Variants in DDX18 observed in about 807,000 individuals in gnomAD.
The protein encoded by DDX18 is ATP-dependent RNA helicase DDX18.
In DDX18, 23 loss-of-function variants were observed where a neutral mutation model predicts 73.5. The observed-to-expected ratio is 0.31, with a 90% CI of 0.23 to 0.44. The LOEUF (loss-of-function observed/expected upper bound fraction) is 0.44. Among genes scored for constraint, DDX18 ranks in the 20% least tolerant of loss-of-function variants. The pLI, the probability that DDX18 is intolerant of heterozygous loss-of-function variation, is 1.00. For missense variants in DDX18, 753 were observed against 792.9 expected (o/e 0.95, Z 0.60); for synonymous variants, 268 against 282.7 (o/e 0.95, Z 0.52).
At chr2:117,827,325 C>A (rs759282721) in intron 11 of DDX18, 9 of 152,028 alleles carry the variant, frequency 5.9e-5, no homozygotes, top group Non-Finnish European at 1.0e-4. Context: ...GTTGACATTT[C>A]TTTCTTTCTT....
intron 11 of DDX18, chr2:117,827,307 C>G (rs554228725): frequency 2.2e-4 from 34 of 152,322 alleles, no homozygotes; most frequent in Non-Finnish European, 4.4e-4. Flanking sequence ...AGCACAGGTG[C>G]TCATCAGGTT....
chr2:117,826,034 CTTTTTTTTTTT>C lies in DDX18; in HGVS notation c.1522-217_1522-207del, dbSNP rs59119058. 3.5e-4 allele frequency: 34 copies of C among 97,290 alleles called. 1 individual carries two copies. The highest frequency in any genetic ancestry group is 7.6e-3 in the Middle Eastern group (2 of 264). The allele number at this position is 97,290 out of a possible 1,614,324, so 6.0% of individuals were successfully genotyped here. On this transcript the variant is annotated intron_variant, in intron 10 of 13. Coordinates refer to ENST00000263239, the MANE Select transcript of DDX18 (RefSeq NM_006773.4). ...TGTTAATGCAAACATCATGTCCAGCCTTTTTTTTTTTTTTTTTTTTTTTTTTTTGGGCCTCA... is the reference window on the plus strand; with the variant it reads ...TGTTAATGCAAACATCATGTCCAGCCTTTTTTTTTTTTTTTTTGGGCCTCA...
chr2:117,821,942 CACGTGCAT>C lies in DDX18; in HGVS notation c.835_842del (p.Val279LeufsTer9), dbSNP rs753387641. 1 of 1,614,024 alleles carries C rather than the reference CACGTGCAT, an allele frequency of 6.2e-7. No individual in the cohort carries two copies. Among genetic ancestry groups the C allele is most frequent in the Admixed American group, 1.7e-5 (1 of 60,002 alleles). Reference sequence around the variant, plus strand: ...TGTTCTTAAGGAGCTGATGACTCACCACGTGCATACCTATGGCTTGATAATGGGTGGCA... The same window carrying C: ...TGTTCTTAAGGAGCTGATGACTCACCACCTATGGCTTGATAATGGGTGGCA... On this transcript the variant is annotated frameshift_variant, in exon 6 of 14. Coordinates refer to ENST00000263239, the MANE Select transcript of DDX18 (RefSeq NM_006773.4). LOFTEE classifies it high-confidence loss of function.
chr2:117,830,680 C>A lies in DDX18; in HGVS notation c.1969C>A (p.His657Asn), dbSNP rs1462787470. The A allele has an allele frequency of 6.2e-7, 1 of 1,613,700 alleles. No individual in the cohort carries two copies. Among genetic ancestry groups the A allele is most frequent in the Non-Finnish European group, 8.5e-7 (1 of 1,179,744 alleles). The change falls in exon 14 of 14, where the codon CAC becomes AAC. Residue 657 changes from histidine (H) to asparagine (N), a missense_variant. His to Asn is a moderately conservative substitution (Grantham distance 68). Around this residue, in one of 3 missense-constraint regions of DDX18, gnomAD observed 402 missense variants for 419.4 expected, o/e 0.96. Transcript: ENST00000263239. ...KKVEKSKIFK[H>N]ISKKSSDSRQ... Reference sequence around the variant, plus strand: ...AGTTGAGAAATCCAAAATCTTTAAACACATTAGCAAGAAATCATCTGACAG... The same window carrying A: ...AGTTGAGAAATCCAAAATCTTTAAAAACATTAGCAAGAAATCATCTGACAG...
Position 117,815,180 on chromosome 2 carries a change from C to T in DDX18, c.85+318C>T, listed in dbSNP as rs1277708778. ...CCACCTTAGCTTTTGGTTCCCTCAC[C>T]ACCTGCAAGTCGCACCTCACCTCAT... On this transcript the variant is annotated intron_variant, in intron 1 of 13. Coordinates refer to ENST00000263239, the MANE Select transcript of DDX18 (RefSeq NM_006773.4). The T allele has an allele frequency of 9.2e-6, 3 of 325,318 alleles. No individual in the cohort carries two copies. In the East Asian group the frequency reaches 1.9e-4, roughly 21 times the overall value. The allele number at this position is 325,318 out of a possible 1,614,324, so 20.2% of individuals were successfully genotyped here.
rs759254552 is a variant in DDX18 at position 117,817,600 on chromosome 2, T to G, written c.242T>G (p.Ile81Arg). 7 of 1,613,888 alleles carry G rather than the reference T, an allele frequency of 4.3e-6. No individual in the cohort carries two copies. In the South Asian group the frequency reaches 7.7e-5, roughly 18 times the overall value. ...GGMSQEAVGN[I>R]KVTKSPQKST... ...ATGTCTCAAGAAGCAGTGGGAAATATAAAAGTTACAAAGTCTCCCCAGAAA... is the reference window on the plus strand; with the variant it reads ...ATGTCTCAAGAAGCAGTGGGAAATAGAAAAGTTACAAAGTCTCCCCAGAAA... The change falls in exon 2 of 14, where the codon ATA (isoleucine) becomes AGA (arginine). Residue 81 changes from isoleucine to arginine, a missense_variant. This residue lies in a region of DDX18 where 345 missense variants were observed against 352.0 expected (regional missense o/e 0.98). Coordinates refer to ENST00000263239, the MANE Select transcript of DDX18 (RefSeq NM_006773.4).
intron 2 of DDX18, 32 bp from the exon 3 acceptor site, chr2:117,819,617 A>C (rs1285108653): frequency 6.6e-7 from 1 of 1,526,598 alleles, no homozygotes; most frequent in Non-Finnish European, 8.8e-7. Context: ...TTAAGGAAAA[A>C]TTTTTTCGGA....
At chr2:117,827,203 C>T (rs13020804) in intron 11 of DDX18, 40,357 of 152,132 alleles carry the variant, frequency 0.27, 5,688 homozygotes, top group South Asian at 0.4. Context: ...AATTGCTCTA[C>T]AGCTTTTGCA....
In DDX18 at chr2:117,824,560, C is replaced by T. The variant is rs1292221503; in HGVS notation, c.1067-9C>T. 2.9e-6 allele frequency: 4 copies of T among 1,382,778 alleles called. No individual in the cohort carries two copies. Among genetic ancestry groups the T allele is most frequent in the Non-Finnish European group, 3.8e-6 (4 of 1,061,690 alleles). 85.7% of individuals were successfully genotyped at this position (1,382,778 alleles called of 1,614,324 possible). ...AGATTGGGGTTATTTTTATATGTAT[C>T]TGTTTCAGCACGTAGACAGACTATG... is the stretch of plus-strand genomic sequence containing the variant. On this transcript the variant is annotated splice_polypyrimidine_tract_variant and intron_variant, in intron 7 of 13. Transcript: ENST00000263239.
At chr2:117,819,575 T>C in intron 2 of DDX18, 74 bp from the exon 3 acceptor site, 4 of 1,268,578 alleles carry the variant, frequency 3.2e-6, no homozygotes, top group Non-Finnish European at 4.2e-6. Flanking sequence ...ATCAGAGATC[T>C]TCTGTTTGTT....
rs898138027 is a variant in DDX18 at position 117,814,716 on chromosome 2, T to C, written c.-62T>C. 2 of 1,542,492 alleles carry C rather than the reference T, an allele frequency of 1.3e-6. No individual in the cohort carries two copies. Among genetic ancestry groups the C allele is most frequent in the African/African-American group, 2.7e-5 (2 of 73,062 alleles). On this transcript the variant is annotated 5_prime_UTR_variant, in exon 1 of 14. Transcript: ENST00000263239. ...ACGTGCGGCCGGAAGGGAAGTAACG[T>C]CAGCCTGAGAACTGAGTAGCTGTAC...
chr2:117,821,051 C>T, intron 3 of DDX18, 110 bp from the exon 4 acceptor site: 3 of 1,081,950 alleles, frequency 2.8e-6, no homozygotes, highest in Non-Finnish European at 2.6e-6. Flanking sequence ...AAGGTTTAGC[C>T]TTTTCTTACT....
chr2:117,830,910 A>G lies in DDX18; in HGVS notation c.*186A>G. Reference sequence around the variant, plus strand: ...CTCTCTTTTATTTCTGGGATATAAAACAGGCTTTAAGTTTCTTGGTTGCCC... The same window carrying G: ...CTCTCTTTTATTTCTGGGATATAAAGCAGGCTTTAAGTTTCTTGGTTGCCC... On this transcript the variant is annotated 3_prime_UTR_variant, in exon 14 of 14. Coordinates refer to ENST00000263239, the MANE Select transcript of DDX18 (RefSeq NM_006773.4). 3 of 656,018 alleles carry G rather than the reference A, an allele frequency of 4.6e-6. No homozygotes were observed. 40.6% of individuals were successfully genotyped at this position (656,018 alleles called of 1,614,324 possible). A position where few individuals can be genotyped will look rare whatever the true frequency, so the allele number is the denominator to read the frequency against.
intron 2 of DDX18, among the ~76,000 whole-genome samples, chr2:117,818,907 A>G (rs1355291228): frequency 1.3e-5 from 2 of 152,202 alleles, no homozygotes; most frequent in African/African-American, 4.8e-5. Flanking sequence ...GCTTTTGAAC[A>G]TGTAGGTCCT....
intron 7 of DDX18, 23 bp downstream of exon 7, chr2:117,822,284 T>C: frequency 6.3e-7 from 1 of 1,578,894 alleles, no homozygotes; most frequent in Non-Finnish European, 8.7e-7. Flanking sequence ...CATCTGCATT[T>C]GGTTTGCAAA....
chr2:117,826,498 A>C (rs1380495915), intron 11 of DDX18, 116 bp downstream of exon 11: 55 of 921,050 alleles, frequency 6.0e-5, no homozygotes, highest in Non-Finnish European at 8.6e-5. Context: ...AACCATTCTT[A>C]TGGCAATTAA....
chr2:117,821,657 C>A lies in DDX18; in HGVS notation c.658C>A (p.Leu220Ile). ...IRPLLEGRDL[L>I]AAAKTGSGKT... is the part of the protein sequence containing the mutation. ...TCCCTTTTTAATATTTAGGGATCTT[C>A]TAGCAGCTGCAAAAACAGGCAGTGG... The change falls in exon 5 of 14, where the codon CTA (leucine) becomes ATA (isoleucine). Residue 220 changes from leucine (L) to isoleucine (I), a missense_variant. Leu to Ile is a conservative substitution (Grantham distance 5). This residue lies in a region of DDX18 where 345 missense variants were observed against 352.0 expected (regional missense o/e 0.98). Coordinates refer to ENST00000263239, the MANE Select transcript of DDX18 (RefSeq NM_006773.4). 1 of 1,613,916 alleles carries A rather than the reference C, an allele frequency of 6.2e-7. No individual in the cohort carries two copies. The highest frequency in any genetic ancestry group is 8.5e-7 in the Non-Finnish European group (1 of 1,179,866).
rs1679812601 is a variant in DDX18 at position 117,819,656 on chromosome 2, A to G, written c.378A>G (p.Lys126=). Residue 126 remains lysine, a synonymous_variant, in exon 3 of 14, where the codon AAA becomes AAG. Coordinates refer to ENST00000263239, the MANE Select transcript of DDX18 (RefSeq NM_006773.4). ...KMVNDAEPDT[K]KAKTENKGKS... ...TGTCTTTTAAAACCAAAGATACGAA[A>G]AAAGCAAAAACTGAAAACAAAGGGA... The G allele has an allele frequency of 1.9e-6, 3 of 1,578,002 alleles. No homozygotes were observed. The highest frequency in any genetic ancestry group is 1.4e-5 in the African/African-American group (1 of 72,450).
intron 7 of DDX18, among the ~76,000 whole-genome samples, chr2:117,824,171 T>C (rs1219479767): frequency 6.6e-6 from 1 of 152,258 alleles, no homozygotes; most frequent in Non-Finnish European, 1.5e-5. Flanking sequence ...AGTTGACATG[T>C]AAGCCCTCTT....
Sources: gnomAD v4.1 joint callset for allele counts (sites outside exome capture counted in the v4.1 genomes callset) on GRCh38, gnomAD v4.1.1 for gene constraint, gnomAD v4.1.1 regional missense constraint, MANE v1.5 for transcripts, NCBI Gene and HGNC (gene_info 2026-07-23, HGNC 2026-07-21) for gene names.